The following VPS35L variants were observed in gnomAD, a reference collection of about 807,000 sequenced individuals.
The protein encoded by VPS35L is VPS35 endosomal protein-sorting factor-like.
Under a neutral mutation model 133.0 loss-of-function variants are expected in VPS35L, and 83 were observed. The ratio of observed to expected loss-of-function variants is 0.62; its 90% CI spans 0.52 to 0.75. VPS35L has a LOEUF of 0.75. VPS35L is among the 30% of genes least tolerant of loss of function. VPS35L has a pLI of 0.00. For missense variants in VPS35L, 1,083 were observed against 1,206.8 expected, an observed-to-expected ratio of 0.90 and a Z score of 1.52; for synonymous variants, 423 against 449.9, an observed-to-expected ratio of 0.94 and a Z score of 0.76.
At position 19,639,166 on chromosome 16, in the gene VPS35L, C is replaced by T. The variant is rs372604798; in HGVS notation, c.1699-849C>T. ...TTAATATTTTCGGATGGCCGTTAAC[C>T]GAGGATAACTGACACTATGGAAAGC... is the stretch of plus-strand genomic sequence containing the variant. On this transcript the variant is annotated intron_variant, in intron 20 of 30. Coordinates refer to ENST00000417362, the MANE Select transcript of VPS35L (RefSeq NM_020314.7). The surrounding 1 kb of genome is among the most constrained non-coding windows in gnomAD (Gnocchi z 4.1). Among the ~76,000 whole-genome samples the T allele has an allele frequency of 6.6e-6, 1 of 152,110 alleles. No homozygotes were observed. The highest frequency in any genetic ancestry group is 1.9e-4 in the East Asian group (1 of 5,198).
In VPS35L at chr16:19,699,403, C is replaced by G. The variant is rs1386055597; in HGVS notation, c.2647-99C>G. The G allele has an allele frequency of 1.4e-6, 2 of 1,447,190 alleles. No individual in the cohort carries two copies. Among genetic ancestry groups the G allele is most frequent in the Non-Finnish European group, 1.9e-6 (2 of 1,065,062 alleles). 89.6% of individuals were successfully genotyped at this position (1,447,190 alleles called of 1,614,324 possible). A position where few individuals can be genotyped will look rare whatever the true frequency, so the allele number is the denominator to read the frequency against. ...ACATGGCAGAGCTGGCACTGGAACTCAGGCATGACCTACCCCAGAGTCAGC... is the reference window on the plus strand; with the variant it reads ...ACATGGCAGAGCTGGCACTGGAACTGAGGCATGACCTACCCCAGAGTCAGC... On this transcript the variant is annotated intron_variant, in intron 29 of 30. Coordinates refer to ENST00000417362, the MANE Select transcript of VPS35L (RefSeq NM_020314.7). This position sits in a 1 kb window ranked among gnomAD's most constrained non-coding sequence, Gnocchi z 4.2.
At chr16:19,677,800 C>G (rs1288584521) in intron 27 of VPS35L, among the ~76,000 whole-genome samples, 1 of 152,202 alleles carries the variant, frequency 6.6e-6, no homozygotes, top group Non-Finnish European at 1.5e-5. Context: ...CCTTTCTTTC[C>G]TTTCCCTGTT....
intron 24 of VPS35L, 85 bp downstream of exon 24, chr16:19,647,967 T>C: frequency 7.8e-7 from 1 of 1,279,988 alleles, no homozygotes; most frequent in South Asian, 1.2e-5. Context: ...GATTTTATTT[T>C]ATTAGAGACA....
At chr16:19,680,706 C>T (rs987934911) in intron 27 of VPS35L, among the ~76,000 whole-genome samples, 2 of 152,068 alleles carry the variant, frequency 1.3e-5, no homozygotes, top group Non-Finnish European at 2.9e-5. Context: ...GAGCCCAGGA[C>T]CTTGAGACCA....
intron 6 of VPS35L, chr16:19,579,357 G>A (rs760770248): frequency 5.1e-5 from 25 of 486,600 alleles, no homozygotes; most frequent in Non-Finnish European, 7.7e-5. Flanking sequence ...TCATTGTGAT[G>A]CCTGAGCAAG....
At chr16:19,600,857 G>T (rs747485327) in intron 8 of VPS35L, among the ~76,000 whole-genome samples, 2 of 152,240 alleles carry the variant, frequency 1.3e-5, no homozygotes, top group Middle Eastern at 3.4e-3. Context: ...TAGAGATATC[G>T]CCACATTTTT....
At chr16:19,579,284 A>G in intron 6 of VPS35L, 156 bp downstream of exon 6, 1 of 661,436 alleles carries the variant, frequency 1.5e-6, no homozygotes, top group Non-Finnish European at 2.5e-6. Flanking sequence ...GAAGGGTGCC[A>G]GTGTGCAGTT....
In VPS35L at chr16:19,699,754, C is replaced by T; in HGVS notation, c.2793+106C>T. The stretch of plus-strand genomic sequence containing the variant: ...ATCAGACAGACAACCCCATACTCCC[C>T]TTTTAGAAAAGCACTTGGTCCATTT... On this transcript the variant is annotated intron_variant, in intron 30 of 30. Transcript: ENST00000417362. This position sits in a 1 kb window ranked among gnomAD's most constrained non-coding sequence, Gnocchi z 4.2. 1 of 1,447,096 alleles carries T rather than the reference C, an allele frequency of 6.9e-7. No homozygotes were observed. The highest frequency in any genetic ancestry group is 9.4e-7 in the Non-Finnish European group (1 of 1,059,722). The allele number at this position is 1,447,096 out of a possible 1,614,324, so 89.6% of individuals were successfully genotyped here.
chr16:19,616,668 T>G lies in VPS35L; in HGVS notation c.1102-18T>G. The G allele has an allele frequency of 6.2e-7, 1 of 1,610,212 alleles. No homozygotes were observed. The highest frequency in any genetic ancestry group is 8.5e-7 in the Non-Finnish European group (1 of 1,177,636). The stretch of plus-strand genomic sequence containing the variant: ...GTTTTTCCCCTCCTTTTCTAAGTGT[T>G]TGTTTGGCCTCCTGTAGATTCATGG... On this transcript the variant is annotated intron_variant, in intron 13 of 30. Transcript: ENST00000417362.
At chr16:19,586,389 GAGTGC>G (rs1352938830) in intron 7 of VPS35L, among the ~76,000 whole-genome samples, 1 of 152,100 alleles carries the variant, frequency 6.6e-6, no homozygotes, top group African/African-American at 2.4e-5. Context: ...GCCCAGGCTG[GAGTGC>G]AGTGGCATGA....
intron 9 of VPS35L, among the ~76,000 whole-genome samples, chr16:19,603,248 G>A (rs1231839): frequency 0.044 from 6,639 of 152,198 alleles, 259 homozygotes; most frequent in African/African-American, 0.1. Context: ...CCTGCCACCA[G>A]CTACTGAGAG....
intron 26 of VPS35L, among the ~76,000 whole-genome samples, chr16:19,662,356 C>G (rs1400364055): frequency 6.6e-6 from 1 of 150,974 alleles, no homozygotes; most frequent in African/African-American, 2.4e-5. Flanking sequence ...AAAAAAAATA[C>G]AAAAATTAGC....
intron 14 of VPS35L, chr16:19,617,580 T>G (rs1442452706): frequency 6.6e-6 from 1 of 152,284 alleles, no homozygotes; most frequent in Non-Finnish European, 1.5e-5. Flanking sequence ...TTCTTTTTTC[T>G]TTTTTGCCAG....
chr16:19,606,992 C>T (rs556099806), intron 9 of VPS35L, among the ~76,000 whole-genome samples: 1 of 152,232 alleles, frequency 6.6e-6, no homozygotes, highest in Admixed American at 6.5e-5. Flanking sequence ...ATAAAACATC[C>T]AGTGGTGGGA....
In VPS35L at chr16:19,573,169, G is replaced by C; in HGVS notation, c.336G>C (p.Ser112=). The C allele has an allele frequency of 6.2e-7, 1 of 1,613,892 alleles. No homozygotes were observed. ...GAGATGATAACTCCGTTGTAGGATCGGATTTTGAGCCTTGGACCAACAAAC... is the reference window on the plus strand; with the variant it reads ...GAGATGATAACTCCGTTGTAGGATCCGATTTTGAGCCTTGGACCAACAAAC... The part of the protein sequence containing the change: ...RDRDDNSVVG[S]DFEPWTNKRG... Residue 112 remains serine, a synonymous_variant, in exon 4 of 31, where the codon TCG becomes TCC. Coordinates refer to ENST00000417362, the MANE Select transcript of VPS35L (RefSeq NM_020314.7).
chr16:19,565,327 G>A (rs1352769730), intron 2 of VPS35L, among the ~76,000 whole-genome samples: 1 of 151,372 alleles, frequency 6.6e-6, no homozygotes, highest in African/African-American at 2.4e-5. Context: ...AAGATTATGG[G>A]TGTGGGCCAC....
chr16:19,691,624 C>T (rs1322116703), intron 29 of VPS35L, among the ~76,000 whole-genome samples, 153 bp downstream of exon 29: 1 of 152,188 alleles, frequency 6.6e-6, no homozygotes, highest in Admixed American at 6.5e-5. Context: ...GGGGCCTTCG[C>T]TCCTGCTGTT....
chr16:19,696,585 C>T (rs562799454), intron 29 of VPS35L, among the ~76,000 whole-genome samples: 19 of 152,040 alleles, frequency 1.2e-4, no homozygotes, highest in African/African-American at 4.6e-4. Flanking sequence ...CTATTTAAAA[C>T]CTCTGTGGCG....
rs545763986 is a variant in VPS35L, at chr16:19,699,961, G to T, written c.2793+313G>T. ...AAAAATAAAAAATTAGCCGGCCATG[G>T]TGGTGCACATGTGTAGTCCCAGCTA... On this transcript the variant is annotated intron_variant, in intron 30 of 30. Coordinates refer to ENST00000417362, the MANE Select transcript of VPS35L (RefSeq NM_020314.7). The surrounding 1 kb of genome is among the most constrained non-coding windows in gnomAD (Gnocchi z 4.2). 8.0e-4 allele frequency among the ~76,000 whole-genome samples: 121 copies of T among 152,144 alleles called. 1 individual carries two copies. The highest frequency in any genetic ancestry group is 8.2e-4 in the Non-Finnish European group (56 of 68,018).
Sources: allele counts gnomAD v4.1 joint callset (sites outside exome capture counted in the v4.1 genomes callset), GRCh38; gene constraint gnomAD v4.1.1; non-coding constraint Gnocchi (gnomAD v3.1); transcripts MANE v1.5; gene names NCBI Gene and HGNC (gene_info 2026-07-23, HGNC 2026-07-21).